PICALM: variants seen among roughly 807,000 people sequenced by gnomAD.
The protein encoded by PICALM is phosphatidylinositol binding clathrin assembly protein, also known as phosphatidylinositol-binding clathrin assembly protein.
In PICALM, 40 loss-of-function variants were observed where a neutral mutation model predicts 80.5. The ratio of observed to expected loss-of-function variants is 0.50; its 90% CI spans 0.39 to 0.65. The LOEUF (loss-of-function observed/expected upper bound fraction) is 0.65. Among genes scored for constraint, PICALM ranks in the 30% least tolerant of loss-of-function variants. The pLI is 0.00. For synonymous variants in PICALM, 288 were observed against 260.3 expected (o/e 1.11, Z -1.02); for missense variants, 676 against 778.9 (o/e 0.87, Z 1.57).
intron 4 of PICALM, among the ~76,000 whole-genome samples, chr11:86,015,221 T>C (rs768734758): frequency 6.6e-6 from 1 of 152,178 alleles, no homozygotes; most frequent in Non-Finnish European, 1.5e-5. Context: ...AAAGCAAAAG[T>C]ATACATTATA....
intron 12 of PICALM, among the ~76,000 whole-genome samples, chr11:85,992,605 T>C (rs2094819053): frequency 6.6e-6 from 1 of 152,184 alleles, no homozygotes; most frequent in Admixed American, 6.5e-5. Context: ...TGTTTTTAAA[T>C]ACATGATATT....
intron 1 of PICALM, among the ~76,000 whole-genome samples, chr11:86,063,232 T>C (rs1255169506): frequency 1.3e-5 from 2 of 152,226 alleles, no homozygotes; most frequent in Non-Finnish European, 2.9e-5. Flanking sequence ...AAATGTTTCA[T>C]ATAAATGTCT....
At position 86,014,897 on chromosome 11, in the gene PICALM, A is replaced by T; in HGVS notation, c.519T>A (p.Asn173Lys). ...KLLKTVPIIQ[N>K]QMDALLDFNV... The stretch of plus-strand genomic sequence containing the variant: ...TAAAATCAAGAAGTGCATCCATCTG[A>T]TTCTGAATAATTGGTACAGTTTTTA... Residue 173 changes from asparagine to lysine, a missense_variant, in exon 5 of 20, where the codon AAT (asparagine) becomes AAA (lysine). Transcript: ENST00000393346. 1 of 1,580,966 alleles carries T rather than the reference A, an allele frequency of 6.3e-7. No homozygotes were observed.
intron 7 of PICALM, among the ~76,000 whole-genome samples, chr11:86,009,722 T>C (rs899522428): frequency 6.6e-6 from 1 of 151,886 alleles, no homozygotes; most frequent in African/African-American, 2.4e-5. Flanking sequence ...AAACTTAACT[T>C]TGTAACTACA....
chr11:85,992,640 T>A (rs2094820707), intron 12 of PICALM, among the ~76,000 whole-genome samples: 1 of 152,186 alleles, frequency 6.6e-6, no homozygotes, highest in Admixed American at 6.5e-5. Flanking sequence ...GTTTTAAAAG[T>A]ACATTATATT....
At chr11:86,056,591 T>A (rs577660707) in intron 1 of PICALM, among the ~76,000 whole-genome samples, 3 of 152,252 alleles carry the variant, frequency 2.0e-5, no homozygotes, top group Non-Finnish European at 4.4e-5. Flanking sequence ...TAAAACAGTG[T>A]CACTGATGTG....
rs751824714 is a variant in PICALM, at chr11:86,068,761, G to C, written c.20C>G (p.Thr7Arg). MSGQSLTDRITAAQHSV... is the reference protein window; with the variant it reads MSGQSLRDRITAAQHSV... ...GTGCTGGGCGGCAGTGATTCGGTCC[G>C]TCAGGCTCTGGCCGGACATCTCTGC... Residue 7 changes from threonine to arginine, a missense_variant, in exon 1 of 20, where the codon ACG becomes AGG. Physicochemically the swap from Thr to Arg is moderately conservative, Grantham distance 71. Coordinates refer to ENST00000393346, the MANE Select transcript of PICALM (RefSeq NM_007166.4). 6.2e-7 allele frequency: 1 copy of C among 1,610,302 alleles called. No homozygotes were observed. Among genetic ancestry groups the C allele is most frequent in the Non-Finnish European group, 8.5e-7 (1 of 1,179,394 alleles).
At chr11:86,017,380 CAT>C (rs1304712757) in intron 4 of PICALM, among the ~76,000 whole-genome samples, 1 of 151,918 alleles carries the variant, frequency 6.6e-6, no homozygotes, top group Non-Finnish European at 1.5e-5. Context: ...AGATAAAAAA[CAT>C]AAAAATGAAG....
At chr11:85,983,254 C>T (rs1402767704) in intron 14 of PICALM, among the ~76,000 whole-genome samples, 1 of 152,118 alleles carries the variant, frequency 6.6e-6, no homozygotes, top group Non-Finnish European at 1.5e-5. Context: ...TTATGAGTGT[C>T]AAAGTTTTAC....
chr11:85,979,489 C>CA (rs57308537), intron 17 of PICALM, among the ~76,000 whole-genome samples: 2,200 of 101,524 alleles, frequency 0.022, 33 homozygotes, highest in Middle Eastern at 0.043. Flanking sequence ...GACTCCGTCA[C>CA]AAAAAAAAAA....
chr11:86,048,700 C>T (rs1400753088), intron 1 of PICALM, among the ~76,000 whole-genome samples: 7 of 151,732 alleles, frequency 4.6e-5, no homozygotes, highest in East Asian at 2.0e-4. Context: ...GGCGTGGTGG[C>T]GCATGCCTGT....
intron 19 of PICALM, among the ~76,000 whole-genome samples, chr11:85,963,629 T>C (rs567279244): frequency 1.3e-5 from 2 of 152,228 alleles, no homozygotes; most frequent in Non-Finnish European, 2.9e-5. Flanking sequence ...TGGTTGATGA[T>C]AGTATCTCTT....
At chr11:86,005,227 C>T (rs2095251506) in intron 8 of PICALM, among the ~76,000 whole-genome samples, 1 of 152,136 alleles carries the variant, frequency 6.6e-6, no homozygotes, top group Non-Finnish European at 1.5e-5. Context: ...ACTATGGTAC[C>T]AAATCCTGGA....
intron 1 of PICALM, among the ~76,000 whole-genome samples, chr11:86,033,410 C>T (rs926490194): frequency 1.3e-5 from 2 of 152,214 alleles, no homozygotes; most frequent in Middle Eastern, 3.4e-3. Flanking sequence ...GCAATGCCTC[C>T]CATATGCCAA....
intron 17 of PICALM, chr11:85,978,256 T>C (rs572016034): frequency 1.3e-5 from 8 of 595,288 alleles, no homozygotes; most frequent in Non-Finnish European, 2.1e-5. Context: ...ACATCTATAC[T>C]AAAACACTAT....
At chr11:86,061,540 C>T (rs564129538) in intron 1 of PICALM, among the ~76,000 whole-genome samples, 156 of 151,770 alleles carry the variant, frequency 1.0e-3, no homozygotes, top group Non-Finnish European at 1.5e-3. Context: ...CAGGAAAATG[C>T]AAATTAAAAC....
At chr11:86,050,025 C>A (rs2096153412) in intron 1 of PICALM, among the ~76,000 whole-genome samples, 1 of 151,404 alleles carries the variant, frequency 6.6e-6, no homozygotes, top group Non-Finnish European at 1.5e-5. Context: ...CATGGCAAAA[C>A]CCCATCTCTA....
At chr11:85,989,884 A>C (rs1162477334) in intron 13 of PICALM, among the ~76,000 whole-genome samples, 1 of 152,100 alleles carries the variant, frequency 6.6e-6, no homozygotes, top group Non-Finnish European at 1.5e-5. Flanking sequence ...AAATATAATC[A>C]CATATAAACA....
chr11:86,007,561 T>C lies in PICALM; in HGVS notation c.788A>G (p.Asp263Gly). The C allele has an allele frequency of 6.7e-7, 1 of 1,495,974 alleles. No individual in the cohort carries two copies. Among genetic ancestry groups the C allele is most frequent in the Non-Finnish European group, 9.2e-7 (1 of 1,082,706 alleles). 92.7% of individuals were successfully genotyped at this position (1,495,974 alleles called of 1,614,324 possible). Residue 263 changes from aspartate to glycine, a missense_variant, in exon 8 of 20, where the codon GAT becomes GGT. Physicochemically the swap from Asp to Gly is moderately conservative, Grantham distance 94 (BLOSUM62 -1). Around this residue, in one of 2 missense-constraint regions of PICALM, gnomAD observed 285 missense variants for 395.4 expected, o/e 0.72. Transcript: ENST00000393346. ...VAEQVGIDRGDIPDLSQAPSS... is the reference protein window; with the variant it reads ...VAEQVGIDRGGIPDLSQAPSS... ...ACTTACCTGTGAAAGGTCTGGTATA[T>C]CACCTCTGTCAATTCCAACTTGCTG...
Sources: gnomAD v4.1 joint callset for allele counts (sites outside exome capture counted in the v4.1 genomes callset) on GRCh38, gnomAD v4.1.1 for gene constraint, gnomAD v4.1.1 regional missense constraint, MANE v1.5 for transcripts, NCBI Gene and HGNC (gene_info 2026-07-23, HGNC 2026-07-21) for gene names.